STRADA: variants seen among roughly 807,000 people sequenced by gnomAD.
The protein encoded by STRADA is STE20-related kinase adapter protein alpha.
A neutral mutation model predicts 55.0 loss-of-function variants in STRADA; 26 were observed. That is an observed-to-expected ratio of 0.47 (90% CI 0.35 to 0.66). The LOEUF (loss-of-function observed/expected upper bound fraction) is 0.66. Among genes scored for constraint, STRADA ranks in the 30% least tolerant of loss-of-function variants. The probability of loss-of-function intolerance (pLI) is 0.01; values close to 1 mark genes in which losing one functional copy is unlikely to be tolerated. For missense variants in STRADA, 443 were observed against 549.7 expected, an observed-to-expected ratio of 0.81 and a Z score of 1.94; for synonymous variants, 197 against 210.9, an observed-to-expected ratio of 0.93 and a Z score of 0.57.
chr17:63,710,374 C>A, intron 8 of STRADA, 117 bp downstream of exon 8: 1 of 1,508,898 alleles, frequency 6.6e-7, no homozygotes. Flanking sequence ...CAGCAAGAAT[C>A]CAGATCCTTG....
At chr17:63,737,119 C>T (rs987469257) in intron 1 of STRADA, among the ~76,000 whole-genome samples, 2 of 151,192 alleles carry the variant, frequency 1.3e-5, no homozygotes, top group South Asian at 2.1e-4. Flanking sequence ...CATGGTGGCA[C>T]ATGCTTGTAG....
rs568541908 is a variant in STRADA, at chr17:63,704,344, G to T, written c.1097C>A (p.Ala366Asp). ...VEQCLQRNPD[A>D]RPSASTLLNH... ...AGGCCCAGGCCAGCAGGGATACCTG[G>T]CATCCGGGTTGCGCTGAAGGCACTG... Residue 366 changes from alanine (A) to aspartate (D), a missense_variant, in exon 11 of 13, where the codon GCC (alanine) becomes GAC (aspartate). Coordinates refer to ENST00000336174, the MANE Select transcript of STRADA (RefSeq NM_001003787.4). The T allele has an allele frequency of 1.9e-6, 3 of 1,612,304 alleles. No homozygotes were observed. The Admixed American group carries it at 5.0e-5, about 27-fold the overall frequency.
chr17:63,703,811 G>A, intron 12 of STRADA, 60 bp from the exon 13 acceptor site: 2 of 1,608,748 alleles, frequency 1.2e-6, no homozygotes, highest in Admixed American at 1.7e-5. Context: ...AGGACACCAT[G>A]GGGCAAGGAA....
chr17:63,719,241 A>G (rs1223897274), intron 4 of STRADA: 1 of 152,212 alleles, frequency 6.6e-6, no homozygotes, highest in Non-Finnish European at 1.5e-5. Context: ...AGAACACTCT[A>G]TAGACCAGAA....
rs116245925 is a variant in STRADA, at chr17:63,703,427, T to A, written c.*172A>T. 20 of 649,826 alleles carry A rather than the reference T, an allele frequency of 3.1e-5. No individual in the cohort carries two copies. 40.3% of individuals were successfully genotyped at this position (649,826 alleles called of 1,614,324 possible). On this transcript the variant is annotated 3_prime_UTR_variant, in exon 13 of 13. Coordinates refer to ENST00000336174, the MANE Select transcript of STRADA (RefSeq NM_001003787.4). ...TTGTGTCTCAAAAGCCTTGGAGCAGTGAAGTGTCTCTCCAGGATTTTCTTT... is the reference window on the plus strand; with the variant it reads ...TTGTGTCTCAAAAGCCTTGGAGCAGAGAAGTGTCTCTCCAGGATTTTCTTT...
intron 6 of STRADA, among the ~76,000 whole-genome samples, chr17:63,711,403 T>G (rs2036488641): frequency 6.6e-6 from 1 of 152,092 alleles, no homozygotes. Flanking sequence ...CAGGCTGGAG[T>G]GCAGTGGTGT....
At chr17:63,719,272 AAGTACTGCATTTTTC>A (rs1283283270) in intron 4 of STRADA, 2 of 152,204 alleles carry the variant, frequency 1.3e-5, no homozygotes, top group African/African-American at 2.4e-5. Flanking sequence ...GCATGTGAGA[AAGTACTGCATTTTTC>A]AGTAGGTAAC....
chr17:63,727,363 A>G (rs8075061), intron 2 of STRADA: 42,404 of 152,272 alleles, frequency 0.28, 6,279 homozygotes, highest in Middle Eastern at 0.37. Flanking sequence ...AATGGAATCA[A>G]GATTGTATTT....
At chr17:63,704,894 C>A in intron 10 of STRADA, 1 of 1,536,102 alleles carries the variant, frequency 6.5e-7, no homozygotes, top group Non-Finnish European at 8.7e-7. Context: ...TTCCTTTTAC[C>A]GTAGAGTCTT....
chr17:63,705,143 G>A, intron 10 of STRADA: 1 of 598,250 alleles, frequency 1.7e-6, no homozygotes, highest in Non-Finnish European at 3.0e-6. Flanking sequence ...TGTCCTCGTG[G>A]AAGTCCTCAT....
At chr17:63,718,729 T>G (rs2037079594) in intron 4 of STRADA, 2 of 152,208 alleles carry the variant, frequency 1.3e-5, no homozygotes, top group African/African-American at 2.4e-5. Flanking sequence ...TAACTGTCCC[T>G]TTGGAACCCT....
At chr17:63,731,602 A>G (rs1257829835) in intron 1 of STRADA, among the ~76,000 whole-genome samples, 1 of 152,122 alleles carries the variant, frequency 6.6e-6, no homozygotes, top group Non-Finnish European at 1.5e-5. Flanking sequence ...TTCCAACCCC[A>G]GCTGAGAATC....
At chr17:63,709,457 T>C (rs926043895) in intron 8 of STRADA, among the ~76,000 whole-genome samples, 5 of 152,244 alleles carry the variant, frequency 3.3e-5, no homozygotes, top group African/African-American at 1.2e-4. Flanking sequence ...TCTTGTTGAT[T>C]TGCAAGATTT....
chr17:63,708,261 G>A lies in STRADA; in HGVS notation c.582-843C>T, dbSNP rs561595735. On this transcript the variant is annotated intron_variant, in intron 8 of 12. Coordinates refer to ENST00000336174, the MANE Select transcript of STRADA (RefSeq NM_001003787.4). ...GTCGCCCAGGCTGGAGTGCAGTGGC[G>A]CAATCTCAGTTCACTGCAACCTCTG... 9.8e-4 allele frequency among the ~76,000 whole-genome samples: 149 copies of A among 151,330 alleles called. 2 individuals carry two copies. Among genetic ancestry groups the A allele is most frequent in the African/African-American group, 3.1e-3 (127 of 41,152 alleles).
chr17:63,703,518 G>A lies in STRADA; in HGVS notation c.*81C>T, dbSNP rs932458328. ...TTCTACCCAATCTGCCCAGGAGGGCGGGAATGTGGCCGGCCCTCAGGAAGG... is the reference window on the plus strand; with the variant it reads ...TTCTACCCAATCTGCCCAGGAGGGCAGGAATGTGGCCGGCCCTCAGGAAGG... On this transcript the variant is annotated 3_prime_UTR_variant, in exon 13 of 13. Coordinates refer to ENST00000336174, the MANE Select transcript of STRADA (RefSeq NM_001003787.4). 1.7e-5 allele frequency: 23 copies of A among 1,343,976 alleles called. No individual in the cohort carries two copies. The highest frequency in any genetic ancestry group is 1.3e-4 in the African/African-American group (9 of 68,198). 83.3% of individuals were successfully genotyped at this position (1,343,976 alleles called of 1,614,324 possible). A position where few individuals can be genotyped will look rare whatever the true frequency, so the allele number is the denominator to read the frequency against.
chr17:63,708,372 G>A (rs968251274), intron 8 of STRADA, among the ~76,000 whole-genome samples: 2 of 151,522 alleles, frequency 1.3e-5, no homozygotes, highest in African/African-American at 4.9e-5. Context: ...GCCAGTTTTT[G>A]TATTTTTAGT....
At chr17:63,716,270 A>AT (rs1490017866) in intron 4 of STRADA, among the ~76,000 whole-genome samples, 1 of 151,344 alleles carries the variant, frequency 6.6e-6, no homozygotes, top group Non-Finnish European at 1.5e-5. Flanking sequence ...TAAGTTTTGT[A>AT]TTTTTTTGTA....
intron 12 of STRADA, 32 bp from the exon 13 acceptor site, chr17:63,703,783 C>T (rs1206162527): frequency 1.2e-6 from 2 of 1,611,314 alleles, no homozygotes; most frequent in Non-Finnish European, 1.7e-6. Flanking sequence ...GGTGACAGAT[C>T]CTGTTGCTCT....
At chr17:63,707,624 A>G (rs976548958) in intron 8 of STRADA, 3 of 534,214 alleles carry the variant, frequency 5.6e-6, no homozygotes, top group Non-Finnish European at 9.9e-6. Context: ...CAGTGGCTCA[A>G]TCTAGGCTCA....
Sources: allele counts gnomAD v4.1 joint callset (sites outside exome capture counted in the v4.1 genomes callset), GRCh38; gene constraint gnomAD v4.1.1; transcripts MANE v1.5; gene names NCBI Gene and HGNC (gene_info 2026-07-23, HGNC 2026-07-21).